MTIF2: variants seen among roughly 807,000 people sequenced by gnomAD.
MTIF2 encodes translation initiation factor IF-2, mitochondrial.
MTIF2 carries 71 observed loss-of-function variants against 83.5 expected under a neutral mutation model. The observed-to-expected ratio is 0.85, with a 90% CI of 0.70 to 1.04. The LOEUF is 1.04. MTIF2 is among the 50% of genes least tolerant of loss of function. MTIF2 has a pLI of 0.00. For synonymous variants in MTIF2, 319 were observed against 287.1 expected (o/e 1.11, Z -1.12); for missense variants, 957 against 846.5 (o/e 1.13, Z -1.62).
chr2:55,267,231 A>C (rs985074985), intron 3 of MTIF2, among the ~76,000 whole-genome samples: 5 of 151,926 alleles, frequency 3.3e-5, no homozygotes, highest in African/African-American at 7.3e-5. Context: ...ATCTTGGCTC[A>C]CTACAACCTC....
intron 11 of MTIF2, 76 bp from the exon 12 acceptor site, chr2:55,243,744 G>T: frequency 6.9e-7 from 1 of 1,452,474 alleles, no homozygotes. Flanking sequence ...GTGTTGTCCT[G>T]CATTAGGAAA....
chr2:55,262,274 C>T (rs760290810), intron 5 of MTIF2, 42 bp downstream of exon 5: 1 of 1,370,292 alleles, frequency 7.3e-7, no homozygotes, highest in Admixed American at 1.7e-5. Context: ...GCCCGGTCTT[C>T]CAACATTCCC....
At chr2:55,259,877 G>A (rs757345299) in intron 5 of MTIF2, among the ~76,000 whole-genome samples, 4 of 152,066 alleles carry the variant, frequency 2.6e-5, no homozygotes, top group Non-Finnish European at 5.9e-5. Context: ...TGGGGAGGCA[G>A]GAGTTGCAGT....
intron 13 of MTIF2, among the ~76,000 whole-genome samples, chr2:55,242,177 A>G (rs72797593): frequency 0.073 from 11,175 of 152,064 alleles, 518 homozygotes; most frequent in Admixed American, 0.13. Context: ...AGTCATTTCA[A>G]TATCTTTCAA....
intron 13 of MTIF2, among the ~76,000 whole-genome samples, chr2:55,242,393 T>A (rs1676389385): frequency 6.6e-6 from 1 of 152,232 alleles, no homozygotes; most frequent in Non-Finnish European, 1.5e-5. Flanking sequence ...CGACTTTATT[T>A]AACAGTCATG....
intron 8 of MTIF2, 123 bp from the exon 9 acceptor site, chr2:55,249,657 A>G: frequency 1.7e-6 from 2 of 1,175,074 alleles, no homozygotes; most frequent in Non-Finnish European, 2.4e-6. Flanking sequence ...TTTATCTAAC[A>G]AAAGGCCAAA....
intron 5 of MTIF2, among the ~76,000 whole-genome samples, chr2:55,261,361 T>A (rs1677971203): frequency 6.6e-6 from 1 of 151,772 alleles, no homozygotes; most frequent in African/African-American, 2.4e-5. Context: ...ATCCCATCAC[T>A]CTGGGAGGCC....
chr2:55,251,511 C>T (rs997215220), intron 8 of MTIF2, among the ~76,000 whole-genome samples: 3 of 152,172 alleles, frequency 2.0e-5, no homozygotes, highest in Admixed American at 6.5e-5. Flanking sequence ...TAACTCCCAA[C>T]CTTTTAAAAA....
rs185811333 is a variant in MTIF2, at chr2:55,236,602, C to A, written c.*46G>T. ...TTGGCCAGTAGTAGTGCATTTCTAC[C>A]TTCAAACAAACAACACGTTGAGTTA... is the stretch of plus-strand genomic sequence containing the variant. On this transcript the variant is annotated 3_prime_UTR_variant, in exon 16 of 16. Coordinates refer to ENST00000263629, the MANE Select transcript of MTIF2 (RefSeq NM_002453.3). The A allele has an allele frequency of 6.6e-7, 1 of 1,512,116 alleles. No individual in the cohort carries two copies. Among genetic ancestry groups the A allele is most frequent in the East Asian group, 2.3e-5 (1 of 42,676 alleles). 93.7% of individuals were successfully genotyped at this position (1,512,116 alleles called of 1,614,324 possible).
intron 2 of MTIF2, 195 bp from the exon 3 acceptor site, chr2:55,267,830 T>C (rs1678547394): frequency 1.3e-5 from 2 of 152,206 alleles, no homozygotes; most frequent in African/African-American, 4.8e-5. Context: ...CATTAACTTG[T>C]TTACCTTCGG....
chr2:55,264,047 T>C (rs1220089371), intron 3 of MTIF2, among the ~76,000 whole-genome samples, 182 bp from the exon 4 acceptor site: 3 of 152,144 alleles, frequency 2.0e-5, no homozygotes, highest in South Asian at 2.1e-4. Flanking sequence ...CCATAACAAG[T>C]ACTCTCTAAA....
chr2:55,254,062 G>C lies in MTIF2; in HGVS notation c.643C>G (p.Gln215Glu). ...VAAVETGGIT[Q>E]HIGAFLVSLP... ...ATACCAAGAAAGGCACCAATGTGCTGAGTGATGCCTCCAGTTTCCACTGCT... is the reference window on the plus strand; with the variant it reads ...ATACCAAGAAAGGCACCAATGTGCTCAGTGATGCCTCCAGTTTCCACTGCT... The change falls in exon 7 of 16, where the codon CAG becomes GAG. Residue 215 changes from glutamine to glutamate, a missense_variant. Gln to Glu is a conservative substitution (Grantham distance 29). Coordinates refer to ENST00000263629, the MANE Select transcript of MTIF2 (RefSeq NM_002453.3). 3 of 1,614,186 alleles carry C rather than the reference G, an allele frequency of 1.9e-6. No homozygotes were observed. The highest frequency in any genetic ancestry group is 1.7e-5 in the Admixed American group (1 of 60,018).
chr2:55,238,746 C>A (rs745588850), intron 14 of MTIF2, among the ~76,000 whole-genome samples: 31 of 152,186 alleles, frequency 2.0e-4, no homozygotes, highest in Non-Finnish European at 3.2e-4. Context: ...AAGTAACAGG[C>A]ACTATAATGA....
chr2:55,253,592 G>A (rs1000281912), intron 7 of MTIF2, among the ~76,000 whole-genome samples: 3 of 151,864 alleles, frequency 2.0e-5, no homozygotes, highest in African/African-American at 4.8e-5. Context: ...TGAGGCAGGC[G>A]GACCACAAGG....
intron 3 of MTIF2, among the ~76,000 whole-genome samples, chr2:55,267,336 T>C (rs1217628797): frequency 6.6e-6 from 1 of 151,958 alleles, no homozygotes; most frequent in Non-Finnish European, 1.5e-5. Flanking sequence ...ATTTTGTATT[T>C]TTAGTAGAGA....
intron 3 of MTIF2, among the ~76,000 whole-genome samples, chr2:55,265,878 C>G (rs1309643784): frequency 6.6e-6 from 1 of 152,074 alleles, no homozygotes; most frequent in Non-Finnish European, 1.5e-5. Context: ...ATGGTTCTGT[C>G]TCTACTGAAT....
intron 9 of MTIF2, 37 bp downstream of exon 9, chr2:55,249,358 C>A: frequency 6.2e-7 from 1 of 1,608,348 alleles, no homozygotes; most frequent in Admixed American, 1.7e-5. Flanking sequence ...TACAGCATTC[C>A]CATCCAGGCA....
At chr2:55,237,622 T>C (rs550687393) in intron 14 of MTIF2, among the ~76,000 whole-genome samples, 194 bp from the exon 15 acceptor site, 1 of 151,434 alleles carries the variant, frequency 6.6e-6, no homozygotes, top group Admixed American at 6.6e-5. Flanking sequence ...TGAAAATCTT[T>C]GGCTATTCTT....
At position 55,243,494 on chromosome 2, in the gene MTIF2, C is replaced by T. The variant is rs1024942827; in HGVS notation, c.1486G>A (p.Glu496Lys). The T allele has an allele frequency of 3.3e-5, 53 of 1,613,892 alleles. No homozygotes were observed. The highest frequency in any genetic ancestry group is 4.5e-5 in the Non-Finnish European group (53 of 1,179,962). ...WKKRSILRFL[E>K]RKEQIPLKPK... Reference sequence around the variant, plus strand: ...TTTAAGGGTATTTGTTCTTTTCTTTCTAAAAACCGTAGAATTGATCTCTTC... The same window carrying T: ...TTTAAGGGTATTTGTTCTTTTCTTTTTAAAAACCGTAGAATTGATCTCTTC... Residue 496 changes from glutamate to lysine, a missense_variant, in exon 12 of 16, where the codon GAA (glutamate) becomes AAA (lysine). By Grantham distance (56) the Glu-to-Lys change is moderately conservative. Around this residue, in one of 3 missense-constraint regions of MTIF2, gnomAD observed 733 missense variants for 648.7 expected, o/e 1.13. Transcript: ENST00000263629.
Sources: allele counts gnomAD v4.1 joint callset (sites outside exome capture counted in the v4.1 genomes callset), GRCh38; gene constraint gnomAD v4.1.1; regional missense constraint gnomAD v4.1.1; transcripts MANE v1.5; gene names NCBI Gene and HGNC (gene_info 2026-07-23, HGNC 2026-07-21).